The following GATA3 variants were observed in gnomAD, a reference collection of about 807,000 sequenced individuals.
GATA3 encodes GATA binding protein 3.
Under a neutral mutation model 36.0 loss-of-function variants are expected in GATA3, and 6 were observed. The observed-to-expected ratio is 0.17, with a 90% CI of 0.09 to 0.33. GATA3 has a LOEUF of 0.33. Ranked by LOEUF, GATA3 falls within the 10% of genes least tolerant of loss-of-function variation. The pLI, the probability that GATA3 is intolerant of heterozygous loss-of-function variation, is 1.00. For missense variants in GATA3, 514 were observed against 610.1 expected (o/e 0.84, Z 1.66); for synonymous variants, 326 against 273.0 (o/e 1.19, Z -1.92).
chr10:8,058,648 G>T lies in GATA3; in HGVS notation c.585G>T (p.Lys195Asn). The change falls in exon 3 of 6, where the codon AAG becomes AAT. Residue 195 changes from lysine to asparagine, a missense_variant. By Grantham distance (94) the Lys-to-Asn change is moderately conservative. Around this residue, in one of 3 missense-constraint regions of GATA3, gnomAD observed 381 missense variants for 354.3 expected, o/e 1.08. Transcript: ENST00000379328. ...KYQVPLPDSM[K>N]LESSHSRGSM... is the part of the protein sequence containing the mutation. Reference sequence around the variant, plus strand: ...AGGTGCCCCTGCCCGACAGCATGAAGCTGGAGTCGTCCCACTCCCGTGGCA... The same window carrying T: ...AGGTGCCCCTGCCCGACAGCATGAATCTGGAGTCGTCCCACTCCCGTGGCA... 6.2e-7 allele frequency: 1 copy of T among 1,613,002 alleles called. No individual in the cohort carries two copies.
upstream of GATA3, among the ~76,000 whole-genome samples, chr10:8,049,725 C>G (rs543088010): frequency 1.0e-3 from 159 of 152,274 alleles, 1 homozygote; most frequent in South Asian, 0.014. Flanking sequence ...ATCCAGGGGC[C>G]GAGGCGGAGG....
In GATA3 at chr10:8,064,111, G is replaced by A. The variant is rs200802269; in HGVS notation, c.897G>A (p.Arg299=). The stretch of plus-strand genomic sequence containing the variant: ...ATCACAAAATGAACGGACAGAACCG[G>A]CCCCTCATTAAGCCCAAGCGAAGGC... The part of the protein sequence containing the change: ...GLYHKMNGQN[R]PLIKPKRRLS... The change falls in exon 4 of 6, where the codon CGG becomes CGA. Residue 299 remains arginine (R), a synonymous_variant. Transcript: ENST00000379328. 2.5e-6 allele frequency: 4 copies of A among 1,614,066 alleles called. No individual in the cohort carries two copies. Among genetic ancestry groups the A allele is most frequent in the African/African-American group, 2.7e-5 (2 of 74,990 alleles).
chr10:8,058,986 G>C (rs1832703159), intron 3 of GATA3, 145 bp downstream of exon 3: 4 of 759,092 alleles, frequency 5.3e-6, no homozygotes, highest in African/African-American at 3.5e-5. Flanking sequence ...TTCCTGCCGG[G>C]AAGGCACTGC....
At position 8,074,141 on chromosome 10, in the gene GATA3, C is replaced by T. The variant is rs1196994299; in HGVS notation, c.*118C>T. 6 of 1,209,286 alleles carry T rather than the reference C, an allele frequency of 5.0e-6. No homozygotes were observed. The highest frequency in any genetic ancestry group is 2.6e-5 in the Admixed American group (1 of 38,628). 74.9% of individuals were successfully genotyped at this position (1,209,286 alleles called of 1,614,324 possible). ...CGCGATGGATATATGTTTTTGAAGG[C>T]AGAAAGCAAAATTATGTTTGCCACT... On this transcript the variant is annotated 3_prime_UTR_variant, in exon 6 of 6. Transcript: ENST00000379328.
chr10:8,051,771 C>G (rs1832498731), upstream of GATA3, among the ~76,000 whole-genome samples: 1 of 151,958 alleles, frequency 6.6e-6, no homozygotes, highest in Non-Finnish European at 1.5e-5. Context: ...CTCCCCCGCC[C>G]GCCAAGGGAG....
intron 4 of GATA3, among the ~76,000 whole-genome samples, chr10:8,066,264 T>G (rs1832840492): frequency 6.6e-6 from 1 of 152,124 alleles, no homozygotes; most frequent in Non-Finnish European, 1.5e-5. Context: ...ATAGGAAATC[T>G]CTAGAACTCT....
upstream of GATA3, chr10:8,052,482 C>G (rs1359937218): frequency 6.6e-6 from 1 of 152,246 alleles, no homozygotes; most frequent in Non-Finnish European, 1.5e-5. Context: ...GCGTTTCTGA[C>G]GCGGGGACTT....
intron 3 of GATA3, among the ~76,000 whole-genome samples, chr10:8,061,449 C>T (rs78556771): frequency 0.01 from 1,577 of 152,208 alleles, 13 homozygotes; most frequent in East Asian, 0.016. Flanking sequence ...CAAGAGGCCT[C>T]GCCGCTCTGT....
Position 8,054,987 on chromosome 10 carries a change from T to G in GATA3, c.-370+96T>G. Reference sequence around the variant, plus strand: ...CAATTTTAAAAACTCAACTCTCCTCTTTTGGAGGTTTTCTAGGGGCTGAGA... The same window carrying G: ...CAATTTTAAAAACTCAACTCTCCTCGTTTGGAGGTTTTCTAGGGGCTGAGA... On this transcript the variant is annotated intron_variant, in intron 1 of 5. Coordinates refer to ENST00000379328, the MANE Select transcript of GATA3 (RefSeq NM_001002295.2). The surrounding 1 kb of genome is among the most constrained non-coding windows in gnomAD (Gnocchi z 4.2). 1.2e-5 allele frequency: 2 copies of G among 167,374 alleles called. No homozygotes were observed. The highest frequency in any genetic ancestry group is 1.2e-4 in the East Asian group (1 of 8,294). The allele number at this position is 167,374 out of a possible 1,614,324, so 10.4% of individuals were successfully genotyped here.
rs1437230699 is a variant in GATA3 at position 8,055,690 on chromosome 10, GCCA to G, written c.44_46del (p.His15del). 1.9e-6 allele frequency: 3 copies of G among 1,559,488 alleles called. No individual in the cohort carries two copies. The highest frequency in any genetic ancestry group is 2.6e-6 in the Non-Finnish European group (3 of 1,152,198). Reference sequence around the variant, plus strand: ...ACGGCGGACCAGCCGCGCTGGGTGAGCCACCACCACCCCGCCGTGCTCAACGGG... The same window carrying G: ...ACGGCGGACCAGCCGCGCTGGGTGAGCCACCACCCCGCCGTGCTCAACGGG... On this transcript the variant is annotated inframe_deletion, in exon 2 of 6. Transcript: ENST00000379328. The surrounding 1 kb of genome is among the most constrained non-coding windows in gnomAD (Gnocchi z 5.4).
chr10:8,072,934 C>T (rs1243965), intron 5 of GATA3, among the ~76,000 whole-genome samples: 6,398 of 152,060 alleles, frequency 0.042, 444 homozygotes, highest in African/African-American at 0.15. Context: ...ATCACAATGT[C>T]GGGAGTTCGA....
chr10:8,055,394 T>G lies in GATA3; in HGVS notation c.-262T>G. The stretch of plus-strand genomic sequence containing the variant: ...GCCCCTTTTTACAACCTGGTCCCGT[T>G]TTATTCTGCCGTACCCAGTTTTTGG... On this transcript the variant is annotated 5_prime_UTR_variant, in exon 2 of 6. Transcript: ENST00000379328. The surrounding 1 kb of genome is among the most constrained non-coding windows in gnomAD (Gnocchi z 5.4). 9.0e-6 allele frequency: 5 copies of G among 553,616 alleles called. No homozygotes were observed. Among genetic ancestry groups the G allele is most frequent in the East Asian group, 3.1e-5 (1 of 32,304 alleles). The allele number at this position is 553,616 out of a possible 1,614,324, so 34.3% of individuals were successfully genotyped here.
At chr10:8,048,974 AATCTCCCAGCGC>A (rs1196858341), upstream of GATA3, among the ~76,000 whole-genome samples, 1 of 151,036 alleles carries the variant, frequency 6.6e-6, no homozygotes, top group African/African-American at 2.4e-5. Context: ...GGGCGGGGGG[AATCTCCCAGCGC>A]ATCTCCTCTT....
intron 1 of GATA3, among the ~76,000 whole-genome samples, chr10:8,048,584 C>G (rs1261339027): frequency 6.6e-6 from 1 of 152,154 alleles, no homozygotes; most frequent in Non-Finnish European, 1.5e-5. Context: ...TGCCTCCACC[C>G]CTTCTTTTCC....
At chr10:8,065,144 GGA>G (rs1832814207) in intron 4 of GATA3, among the ~76,000 whole-genome samples, 3 of 151,756 alleles carry the variant, frequency 2.0e-5, no homozygotes, top group East Asian at 3.9e-4. Context: ...TTCTAAGGAA[GGA>G]AAAAGAACAC....
At chr10:8,064,869 TC>T (rs1832810195) in intron 4 of GATA3, among the ~76,000 whole-genome samples, 2 of 152,262 alleles carry the variant, frequency 1.3e-5, no homozygotes, top group African/African-American at 4.8e-5. Flanking sequence ...CTCTCATTAT[TC>T]TTTTAAAAAC....
intron 1 of GATA3, among the ~76,000 whole-genome samples, chr10:8,046,231 C>G (rs187848564): frequency 6.6e-6 from 1 of 152,316 alleles, no homozygotes; most frequent in African/African-American, 2.4e-5. Flanking sequence ...GCAGTTCCCC[C>G]CTGAAGACAG....
chr10:8,055,688 G>C lies in GATA3; in HGVS notation c.33G>C (p.Val11=), dbSNP rs763934992. The change falls in exon 2 of 6, where the codon GTG becomes GTC. Residue 11 remains valine (V), a synonymous_variant. Coordinates refer to ENST00000379328, the MANE Select transcript of GATA3 (RefSeq NM_001002295.2). This position sits in a 1 kb window ranked among gnomAD's most constrained non-coding sequence, Gnocchi z 5.4. ...TGACGGCGGACCAGCCGCGCTGGGTGAGCCACCACCACCCCGCCGTGCTCA... is the reference window on the plus strand; with the variant it reads ...TGACGGCGGACCAGCCGCGCTGGGTCAGCCACCACCACCCCGCCGTGCTCA... The part of the protein sequence containing the change: MEVTADQPRW[V]SHHHPAVLNG... 6.4e-7 allele frequency: 1 copy of C among 1,559,590 alleles called. No homozygotes were observed. The highest frequency in any genetic ancestry group is 8.7e-7 in the Non-Finnish European group (1 of 1,152,208).
At chr10:8,073,646 G>A (rs1013530992) in intron 5 of GATA3, 93 bp from the exon 6 acceptor site, 19 of 1,337,840 alleles carry the variant, frequency 1.4e-5, no homozygotes, top group South Asian at 8.1e-5. Context: ...GATCCGGGGC[G>A]GTCAGTGGAA....
Sources: gnomAD v4.1 joint callset for allele counts (sites outside exome capture counted in the v4.1 genomes callset) on GRCh38, gnomAD v4.1.1 for gene constraint, gnomAD v4.1.1 regional missense constraint, Gnocchi (gnomAD v3.1) non-coding constraint, MANE v1.5 for transcripts, NCBI Gene and HGNC (gene_info 2026-07-23, HGNC 2026-07-21) for gene names.